The following AFG1L variants were observed in gnomAD, a reference collection of about 807,000 sequenced individuals.
AFG1L encodes AFG1 like ATPase, also known as AFG1-like ATPase.
AFG1L carries 53 observed loss-of-function variants against 62.2 expected under a neutral mutation model. That is an observed-to-expected ratio of 0.85 (90% CI 0.68 to 1.07). The LOEUF (loss-of-function observed/expected upper bound fraction) is 1.07. Among genes scored for constraint, AFG1L ranks in the 50% least tolerant of loss-of-function variants. The probability of loss-of-function intolerance (pLI) is 0.00; values close to 1 mark genes in which losing one functional copy is unlikely to be tolerated. For missense variants in AFG1L, 555 were observed against 590.5 expected (o/e 0.94, Z 0.62); for synonymous variants, 228 against 210.3 (o/e 1.08, Z -0.73).
chr6:108,302,460 A>G (rs182564139), intron 1 of AFG1L, among the ~76,000 whole-genome samples: 68 of 152,252 alleles, frequency 4.5e-4, no homozygotes, highest in South Asian at 8.3e-4. Context: ...AATCTCAGAT[A>G]AGACTTTTTT....
chr6:108,298,437 C>T (rs565087028), intron 1 of AFG1L, among the ~76,000 whole-genome samples: 1 of 151,824 alleles, frequency 6.6e-6, no homozygotes, highest in South Asian at 2.1e-4. Flanking sequence ...AACTAATTTT[C>T]GTATTTTTAG....
chr6:108,482,922 C>T (rs1231681816), intron 10 of AFG1L, among the ~76,000 whole-genome samples: 4 of 151,998 alleles, frequency 2.6e-5, no homozygotes, highest in Non-Finnish European at 4.4e-5. Context: ...GTTATTCTTT[C>T]TCCCCCTTTC....
intron 2 of AFG1L, among the ~76,000 whole-genome samples, chr6:108,340,367 GTTT>G (rs35206585): frequency 8.6e-6 from 1 of 116,728 alleles, no homozygotes; most frequent in Admixed American, 8.8e-5. Context: ...TAATTTCAGT[GTTT>G]TTTTTTTTTT....
intron 7 of AFG1L, among the ~76,000 whole-genome samples, chr6:108,440,962 A>G (rs887119205): frequency 6.6e-6 from 1 of 152,230 alleles, no homozygotes; most frequent in Non-Finnish European, 1.5e-5. Context: ...CCTATTTAAT[A>G]TAGTCACTTA....
intron 7 of AFG1L, among the ~76,000 whole-genome samples, chr6:108,434,944 G>A (rs192657032): frequency 6.8e-4 from 103 of 152,274 alleles, no homozygotes; most frequent in African/African-American, 2.3e-3. Flanking sequence ...CCTGCTAAAT[G>A]AGGCTACTTG....
intron 7 of AFG1L, among the ~76,000 whole-genome samples, chr6:108,416,161 A>G (rs768442851): frequency 1.3e-5 from 2 of 152,256 alleles, no homozygotes; most frequent in Non-Finnish European, 2.9e-5. Context: ...ACCAACAGAC[A>G]CATGAAAAAA....
At chr6:108,505,418 TC>T (rs1361785527) in intron 10 of AFG1L, among the ~76,000 whole-genome samples, 2 of 152,054 alleles carry the variant, frequency 1.3e-5, no homozygotes, top group African/African-American at 4.8e-5. Context: ...GTATTTTTTT[TC>T]AAAGGTAAAA....
chr6:108,451,486 A>T (rs1218691782), intron 8 of AFG1L, among the ~76,000 whole-genome samples: 2 of 152,154 alleles, frequency 1.3e-5, no homozygotes, highest in Non-Finnish European at 2.9e-5. Context: ...AAATTTAGGA[A>T]TCCTAGAGTA....
At chr6:108,350,303 C>G (rs1379852928) in intron 3 of AFG1L, among the ~76,000 whole-genome samples, 4 of 151,376 alleles carry the variant, frequency 2.6e-5, no homozygotes, top group Non-Finnish European at 5.9e-5. Context: ...GACCTCATCT[C>G]TTATGTATTT....
intron 7 of AFG1L, among the ~76,000 whole-genome samples, chr6:108,443,943 T>A (rs1771653787): frequency 6.6e-6 from 1 of 152,166 alleles, no homozygotes; most frequent in African/African-American, 2.4e-5. Context: ...TTCCCATGAA[T>A]TGCCATTAAG....
intron 5 of AFG1L, among the ~76,000 whole-genome samples, chr6:108,365,991 A>C (rs1229686273): frequency 6.6e-6 from 1 of 152,158 alleles, no homozygotes; most frequent in Non-Finnish European, 1.5e-5. Flanking sequence ...CTATAAAAGA[A>C]GTTATCATAG....
chr6:108,460,335 A>G (rs1313729246), intron 8 of AFG1L, among the ~76,000 whole-genome samples: 1 of 152,200 alleles, frequency 6.6e-6, no homozygotes, highest in Non-Finnish European at 1.5e-5. Flanking sequence ...AATTAATGAA[A>G]TAGAGAATAG....
chr6:108,364,216 C>T (rs150405228), intron 5 of AFG1L, among the ~76,000 whole-genome samples: 16 of 152,254 alleles, frequency 1.1e-4, no homozygotes, highest in African/African-American at 3.1e-4. Flanking sequence ...AATTACCGTT[C>T]CCCGGCAAGG....
At chr6:108,297,116 TA>T (rs1395591043) in intron 1 of AFG1L, among the ~76,000 whole-genome samples, 4 of 152,178 alleles carry the variant, frequency 2.6e-5, no homozygotes, top group African/African-American at 9.7e-5. Flanking sequence ...TTTATTTATT[TA>T]TTTTTTTGAG....
intron 8 of AFG1L, among the ~76,000 whole-genome samples, chr6:108,463,171 C>G (rs58027736): frequency 6.6e-6 from 1 of 151,538 alleles, no homozygotes; most frequent in East Asian, 1.9e-4. Flanking sequence ...TGCCTGTAAT[C>G]TCAGCTACTC....
At chr6:108,520,620 A>AT (rs1297320973) in intron 12 of AFG1L, 3 of 152,258 alleles carry the variant, frequency 2.0e-5, no homozygotes, top group Non-Finnish European at 4.4e-5. Context: ...ACAATTCCTT[A>AT]TCAACCTGAA....
intron 11 of AFG1L, among the ~76,000 whole-genome samples, chr6:108,515,594 G>A (rs1321314055): frequency 6.6e-6 from 1 of 152,156 alleles, no homozygotes; most frequent in East Asian, 1.9e-4. Flanking sequence ...AAAAGAACTA[G>A]AGAAGCAAGA....
Position 108,460,506 on chromosome 6 carries a change from C to T in AFG1L, c.890+13210C>T, listed in dbSNP as rs1772411208. 2.6e-5 allele frequency among the ~76,000 whole-genome samples: 4 copies of T among 152,106 alleles called. No homozygotes were observed. In the South Asian group the frequency reaches 6.2e-4, roughly 24 times the overall value. On this transcript the variant is annotated intron_variant, in intron 8 of 12. Transcript: ENST00000368977. ...GTTATTATAGATGGAATTAAATTTA[C>T]ATTTGCTTTTTACTTTTTGTTTTCT... is the stretch of plus-strand genomic sequence containing the variant.
intron 2 of AFG1L, among the ~76,000 whole-genome samples, chr6:108,340,986 C>G (rs1209864346): frequency 2.6e-5 from 4 of 152,118 alleles, no homozygotes; most frequent in Non-Finnish European, 4.4e-5. Flanking sequence ...TCCAGAGATT[C>G]TTTGCAGAGA....
Sources: allele counts gnomAD v4.1 joint callset (sites outside exome capture counted in the v4.1 genomes callset), GRCh38; gene constraint gnomAD v4.1.1; transcripts MANE v1.5; gene names NCBI Gene and HGNC (gene_info 2026-07-23, HGNC 2026-07-21).